The following BTN3A1 variants were observed in gnomAD, a reference collection of about 807,000 sequenced individuals.
BTN3A1 encodes the protein butyrophilin subfamily 3 member A1, also known as dJ45P21.3 (butyrophilin, subfamily 3, member A1).
In BTN3A1, 24 loss-of-function variants were observed where a neutral mutation model predicts 43.0. The observed-to-expected ratio is 0.56, with a 90% CI of 0.40 to 0.78. The LOEUF (loss-of-function observed/expected upper bound fraction) is 0.78, where lower values mean the gene tolerates loss of function less well. BTN3A1 is among the 30% of genes least tolerant of loss of function. The pLI is 0.00. For missense variants in BTN3A1, 533 were observed against 626.2 expected (o/e 0.85, Z 1.59); for synonymous variants, 181 against 234.7 (o/e 0.77, Z 2.09).
At chr6:26,404,451 T>TG (rs1412338820) in intron 1 of BTN3A1, 4 of 152,226 alleles carry the variant, frequency 2.6e-5, no homozygotes, top group African/African-American at 9.6e-5. Context: ...TATGCAGAAA[T>TG]GGATAGCTTT....
Position 26,403,604 on chromosome 6 carries a change from T to G in BTN3A1, c.-193+1192T>G, listed in dbSNP as rs74293953. Among the ~76,000 whole-genome samples, 859 of 115,764 alleles carry G rather than the reference T, an allele frequency of 7.4e-3. 5 individuals are homozygous for G. The highest frequency in any genetic ancestry group is 0.062 in the African/African-American group (782 of 12,666). The allele number at this position is 115,764 out of a possible 152,430, so 75.9% of individuals were successfully genotyped here. A position where few individuals can be genotyped will look rare whatever the true frequency, so the allele number is the denominator to read the frequency against. ...GCATATAACTTTTTTTAAGGCCCTT[T>G]ATATATATATGGTCAAAATACTTCC... is the stretch of plus-strand genomic sequence containing the variant. On this transcript the variant is annotated intron_variant, in intron 1 of 9. Transcript: ENST00000289361.
Position 26,411,586 on chromosome 6 carries a change from G to A in BTN3A1, c.1018+5G>A, listed in dbSNP as rs1327036582. On this transcript the variant is annotated splice_donor_5th_base_variant and intron_variant, in intron 9 of 9. Transcript: ENST00000289361. ...AAAAGGCCCTCTTCAAGCCTGGTGA[G>A]TAAATCACTGTGTGTTCCCTGGACC... is the stretch of plus-strand genomic sequence containing the variant. 3 of 1,613,072 alleles carry A rather than the reference G, an allele frequency of 1.9e-6. No individual in the cohort carries two copies. The South Asian group carries it at 3.3e-5, about 18-fold the overall frequency.
At chr6:26,412,916 CG>C in intron 9 of BTN3A1, 2 of 1,477,274 alleles carry the variant, frequency 1.4e-6, no homozygotes, top group Non-Finnish European at 1.8e-6. Flanking sequence ...CCTGAGGCCG[CG>C]TCAGGGTATT....
rs1762321834 is a variant in BTN3A1, at chr6:26,414,338, T to C, written c.*646T>C. ...TAGCCCTGAGGTTCTTTTCCCAGGATGGCTCCAGGATAAGGATCACTGTAG... is the reference window on the plus strand; with the variant it reads ...TAGCCCTGAGGTTCTTTTCCCAGGACGGCTCCAGGATAAGGATCACTGTAG... On this transcript the variant is annotated 3_prime_UTR_variant, in exon 10 of 10. Transcript: ENST00000289361. 1 of 159,126 alleles carries C rather than the reference T, an allele frequency of 6.3e-6. No homozygotes were observed. Among genetic ancestry groups the C allele is most frequent in the Non-Finnish European group, 1.4e-5 (1 of 72,246 alleles). The allele number at this position is 159,126 out of a possible 1,614,324, so 9.9% of individuals were successfully genotyped here.
At chr6:26,412,360 G>A (rs1762248614) in intron 9 of BTN3A1, 3 of 728,034 alleles carry the variant, frequency 4.1e-6, no homozygotes, top group Middle Eastern at 3.7e-4. Context: ...GGAGGAAGCA[G>A]GAAATTAAAC....
intron 9 of BTN3A1, 189 bp from the exon 10 acceptor site, chr6:26,412,980 T>G: frequency 6.9e-7 from 1 of 1,459,078 alleles, no homozygotes; most frequent in East Asian, 2.5e-5. Context: ...TCTTCCCCTC[T>G]GGACACAAGA....
At chr6:26,408,013 A>C in intron 4 of BTN3A1, 61 bp downstream of exon 4, 1 of 1,595,220 alleles carries the variant, frequency 6.3e-7, no homozygotes, top group Admixed American at 1.7e-5. Flanking sequence ...ATGAAGGGGG[A>C]GGTGTTAGTG....
At position 26,407,744 on chromosome 6, in the gene BTN3A1, T is replaced by C. The variant is rs1762067783; in HGVS notation, c.507T>C (p.Thr169=). The change falls in exon 4 of 10, where the codon ACT becomes ACC. Residue 169 remains threonine (T), a synonymous_variant. Transcript: ENST00000289361. The part of the protein sequence containing the change: ...DGGIHLECRS[T]GWYPQPQIQW... The stretch of plus-strand genomic sequence containing the variant: ...GGATCCATCTGGAGTGCAGGTCCAC[T>C]GGCTGGTACCCCCAACCCCAAATAC... 3 of 1,614,104 alleles carry C rather than the reference T, an allele frequency of 1.9e-6. No homozygotes were observed. Among genetic ancestry groups the C allele is most frequent in the Admixed American group, 1.7e-5 (1 of 60,000 alleles).
At chr6:26,407,478 T>A (rs1182671022) in intron 3 of BTN3A1, among the ~76,000 whole-genome samples, 193 bp from the exon 4 acceptor site, 1 of 152,206 alleles carries the variant, frequency 6.6e-6, no homozygotes, top group Non-Finnish European at 1.5e-5. Flanking sequence ...TGGGTGGGAA[T>A]AGCCCCACTG....
Position 26,407,652 on chromosome 6 carries a change from C to T in BTN3A1, c.434-19C>T, listed in dbSNP as rs567816736. The stretch of plus-strand genomic sequence containing the variant: ...GATACAGGCCTCTCAAGAATTTAGG[C>T]TAATTCATCCTTCCACAGCACTGGG... On this transcript the variant is annotated intron_variant, in intron 3 of 9. Coordinates refer to ENST00000289361, the MANE Select transcript of BTN3A1 (RefSeq NM_007048.6). 2.5e-6 allele frequency: 4 copies of T among 1,611,012 alleles called. No individual in the cohort carries two copies. Among genetic ancestry groups the T allele is most frequent in the South Asian group, 1.1e-5 (1 of 90,908 alleles).
chr6:26,409,483 G>A lies in BTN3A1; in HGVS notation c.716-50G>A, dbSNP rs567465865. The A allele has an allele frequency of 3.1e-5, 48 of 1,572,294 alleles. No homozygotes were observed. In the South Asian group the frequency reaches 4.8e-4, roughly 16 times the overall value. On this transcript the variant is annotated intron_variant, in intron 4 of 9. Transcript: ENST00000289361. ...CTAACACTTGGGGCGCTGCAGTCTG[G>A]GGAGGCTGAGTGCACCGGCCCCCAT... is the stretch of plus-strand genomic sequence containing the variant.
At chr6:26,409,852 C>T in intron 5 of BTN3A1, 42 bp from the exon 6 acceptor site, 1 of 1,614,082 alleles carries the variant, frequency 6.2e-7, no homozygotes, top group Non-Finnish European at 8.5e-7. Context: ...AGAAAACCCC[C>T]TCACCTGTAA....
chr6:26,411,555 A>G lies in BTN3A1; in HGVS notation c.992A>G (p.Glu331Gly). 2 of 1,613,672 alleles carry G rather than the reference A, an allele frequency of 1.2e-6. No homozygotes were observed. Among genetic ancestry groups the G allele is most frequent in the Non-Finnish European group, 1.7e-6 (2 of 1,179,740 alleles). ...SRGERHSAYN[E>G]WKKALFKPAD... is the part of the protein sequence containing the mutation. ...CTTATCTGTGTCTCCTTCCTTTCAG[A>G]ATGGAAAAAGGCCCTCTTCAAGCCT... The change falls in exon 9 of 10, where the codon GAA (glutamate) becomes GGA (glycine). Residue 331 changes from glutamate to glycine, a missense_variant and splice_region_variant. Physicochemically the swap from Glu to Gly is moderately conservative, Grantham distance 98 (BLOSUM62 -2). Coordinates refer to ENST00000289361, the MANE Select transcript of BTN3A1 (RefSeq NM_007048.6).
intron 7 of BTN3A1, 132 bp downstream of exon 7, chr6:26,410,164 G>C: frequency 9.0e-7 from 1 of 1,106,510 alleles, no homozygotes; most frequent in Non-Finnish European, 1.3e-6. Context: ...GAAAATAGAT[G>C]TGCCAATTCC....
At chr6:26,409,491 G>A in intron 4 of BTN3A1, 42 bp from the exon 5 acceptor site, 1 of 1,597,396 alleles carries the variant, frequency 6.3e-7, no homozygotes, top group Non-Finnish European at 8.6e-7. Context: ...TGGGGAGGCT[G>A]AGTGCACCGG....
In BTN3A1 at chr6:26,410,453, A is replaced by G. The variant is rs146246834; in HGVS notation, c.964+421A>G. On this transcript the variant is annotated intron_variant, in intron 7 of 9. Coordinates refer to ENST00000289361, the MANE Select transcript of BTN3A1 (RefSeq NM_007048.6). ...CTCTATGGCAGGAACTTCACTAGTC[A>G]TTTTACATAATCTATAGGCTCCAGA... Among the ~76,000 whole-genome samples the G allele has an allele frequency of 1.9e-3, 291 of 152,228 alleles. 1 individual carries two copies. The highest frequency in any genetic ancestry group is 6.8e-3 in the Middle Eastern group (2 of 294).
intron 9 of BTN3A1, chr6:26,412,533 G>T (rs1338935453): frequency 6.5e-7 from 1 of 1,549,838 alleles, no homozygotes; most frequent in Non-Finnish European, 8.7e-7. Context: ...AAAGCTGAAG[G>T]GTGGAGAGTG....
rs1762304155 is a variant in BTN3A1, at chr6:26,413,743, G to A, written c.*51G>A. 8.7e-6 allele frequency: 14 copies of A among 1,607,392 alleles called. No individual in the cohort carries two copies. Among genetic ancestry groups the A allele is most frequent in the Non-Finnish European group, 1.2e-5 (14 of 1,179,856 alleles). ...CTGACCGAGTGCTGATCATTCCCTA[G>A]AGACACCAGTAACCCCGGGCTTAGC... On this transcript the variant is annotated 3_prime_UTR_variant, in exon 10 of 10. Transcript: ENST00000289361.
At chr6:26,410,913 C>T (rs1762190912) in intron 7 of BTN3A1, among the ~76,000 whole-genome samples, 196 bp from the exon 8 acceptor site, 1 of 146,474 alleles carries the variant, frequency 6.8e-6, no homozygotes. Context: ...TGCCATGTCA[C>T]TAGCATTCGA....
Sources: allele counts gnomAD v4.1 joint callset (sites outside exome capture counted in the v4.1 genomes callset), GRCh38; gene constraint gnomAD v4.1.1; transcripts MANE v1.5; gene names NCBI Gene and HGNC (gene_info 2026-07-23, HGNC 2026-07-21).